The following IQCK variants were observed in gnomAD, a reference collection of about 807,000 sequenced individuals.
IQCK encodes IQ motif containing K, also known as IQ domain-containing protein K.
In IQCK, 29 loss-of-function variants were observed where a neutral mutation model predicts 28.1. The observed-to-expected ratio is 1.03, with a 90% confidence interval of 0.77 to 1.41. IQCK has a LOEUF of 1.41. Ranked by LOEUF, IQCK falls within the 40% of genes most tolerant of loss-of-function variation. The pLI is 0.00. For synonymous variants in IQCK, 113 were observed against 115.1 expected (o/e 0.98, Z 0.12); for missense variants, 359 against 314.7 (o/e 1.14, Z -1.07).
chr16:19,764,051 G>A (rs771553609), exon 6 of IQCK: 3 of 1,614,042 alleles, frequency 1.9e-6, no homozygotes, highest in South Asian at 2.2e-5. Flanking sequence ...TCCAAAGAGG[G>A]CAGGGGAGCC....
chr16:19,854,621 C>T (rs1190607767), intron 9 of IQCK, among the ~76,000 whole-genome samples: 2 of 152,254 alleles, frequency 1.3e-5, no homozygotes, highest in African/African-American at 2.4e-5. Context: ...ACTAGTTGAC[C>T]TGTGTACCTC....
intron 1 of IQCK, among the ~76,000 whole-genome samples, chr16:19,729,923 C>T (rs1977776554): frequency 1.3e-5 from 2 of 151,760 alleles, no homozygotes; most frequent in Non-Finnish European, 2.9e-5. Context: ...GGATTACAGG[C>T]GTGAGCCACC....
intron 4 of IQCK, among the ~76,000 whole-genome samples, chr16:19,737,847 G>A (rs893533721): frequency 6.6e-6 from 1 of 151,294 alleles, no homozygotes; most frequent in African/African-American, 2.4e-5. Context: ...GCTTTTTTTA[G>A]AAAAAAAATC....
intron 4 of IQCK, among the ~76,000 whole-genome samples, chr16:19,738,588 T>C (rs1022690634): frequency 1.3e-5 from 2 of 152,204 alleles, no homozygotes; most frequent in African/African-American, 4.8e-5. Flanking sequence ...TATCACTTCC[T>C]TCCATGTAAA....
exon 10 of IQCK, chr16:19,857,193 C>A: frequency 3.9e-6 from 1 of 255,334 alleles, no homozygotes; most frequent in South Asian, 4.2e-5. Flanking sequence ...TGCTGTTAAC[C>A]AAGATTCTCC....
In IQCK at chr16:19,728,739, A is replaced by G. The variant is rs565042531; in HGVS notation, c.182-1691A>G. Among the ~76,000 whole-genome samples the G allele has an allele frequency of 7.9e-5, 12 of 152,328 alleles. No individual in the cohort carries two copies. In the South Asian group the frequency reaches 2.1e-3, roughly 26 times the overall value. ...AATAAATTTGTGTTCCTTTATGTCA[A>G]TGATTTGTGCTAATTTGTTACACAA... On this transcript the variant is annotated intron_variant, in intron 1 of 7. Transcript: ENST00000564186.
Position 19,804,194 on chromosome 16 carries a change from C to CA in IQCK, c.690+15282dup, listed in dbSNP as rs928724088. Among the ~76,000 whole-genome samples the CA allele has an allele frequency of 4.9e-3, 727 of 147,406 alleles. 1 individual carries two copies. The highest frequency in any genetic ancestry group is 0.015 in the African/African-American group (601 of 40,274). On this transcript the variant is annotated intron_variant, in intron 7 of 7. Transcript: ENST00000564186. ...TGAAACCCTGTCTCTACTAAAAATA[C>CA]AAAAAAAAAATTAGCTGGGCATGGT...
intron 4 of IQCK, chr16:19,761,998 C>A (rs1485457268): frequency 6.5e-6 from 1 of 152,808 alleles, no homozygotes; most frequent in Non-Finnish European, 1.5e-5. Flanking sequence ...CACTTCCAGC[C>A]CCACATCTGT....
chr16:19,846,064 G>A (rs1156294194), intron 9 of IQCK, among the ~76,000 whole-genome samples: 3 of 152,250 alleles, frequency 2.0e-5, no homozygotes, highest in South Asian at 2.1e-4. Flanking sequence ...GCAATAGAGC[G>A]AGACCCCATC....
chr16:19,734,537 G>A (rs1203017672), intron 3 of IQCK, among the ~76,000 whole-genome samples: 1 of 151,830 alleles, frequency 6.6e-6, no homozygotes, highest in East Asian at 1.9e-4. Flanking sequence ...GCTGAGGCAG[G>A]AGAATCGCTT....
At chr16:19,752,376 G>C (rs946337022) in intron 4 of IQCK, among the ~76,000 whole-genome samples, 1 of 152,126 alleles carries the variant, frequency 6.6e-6, no homozygotes, top group Admixed American at 6.5e-5. Context: ...TTGATAAAAG[G>C]CTTATATTGT....
At chr16:19,775,135 G>T (rs2055372425) in intron 6 of IQCK, among the ~76,000 whole-genome samples, 1 of 151,672 alleles carries the variant, frequency 6.6e-6, no homozygotes, top group South Asian at 2.1e-4. Flanking sequence ...GCTGAGGGAG[G>T]AGAATCACTT....
At chr16:19,785,425 A>G (rs2055549278) in intron 6 of IQCK, among the ~76,000 whole-genome samples, 1 of 152,160 alleles carries the variant, frequency 6.6e-6, no homozygotes, top group Admixed American at 6.5e-5. Flanking sequence ...TAGGGTCTGG[A>G]GGCAGGGAAC....
At chr16:19,823,083 C>T (rs1231920760) in intron 7 of IQCK, among the ~76,000 whole-genome samples, 1 of 151,942 alleles carries the variant, frequency 6.6e-6, no homozygotes, top group African/African-American at 2.4e-5. Context: ...GTGTTTGTGT[C>T]CTAAGATGGT....
chr16:19,743,268 T>C (rs894890639), intron 4 of IQCK, among the ~76,000 whole-genome samples: 5 of 152,232 alleles, frequency 3.3e-5, no homozygotes, highest in Admixed American at 3.3e-4. Context: ...ATTCAGTTTG[T>C]TGTAGTTATT....
At chr16:19,768,995 C>T (rs1273274937) in intron 6 of IQCK, among the ~76,000 whole-genome samples, 2 of 152,114 alleles carry the variant, frequency 1.3e-5, no homozygotes, top group Non-Finnish European at 2.9e-5. Context: ...CATCTGAGGG[C>T]CCAACTGGGG....
intron 7 of IQCK, among the ~76,000 whole-genome samples, chr16:19,809,014 C>T (rs767395297): frequency 1.3e-5 from 2 of 152,326 alleles, no homozygotes; most frequent in Non-Finnish European, 2.9e-5. Flanking sequence ...TGCGCCACCA[C>T]GGCCAGCTAA....
chr16:19,786,046 G>C (rs2055557687), intron 6 of IQCK, among the ~76,000 whole-genome samples: 1 of 152,192 alleles, frequency 6.6e-6, no homozygotes, highest in Non-Finnish European at 1.5e-5. Flanking sequence ...AAAGTTCTCA[G>C]TAAATATCAG....
downstream of IQCK, among the ~76,000 whole-genome samples, chr16:19,828,743 G>T (rs980433981): frequency 6.7e-6 from 1 of 149,280 alleles, no homozygotes; most frequent in African/African-American, 2.5e-5. Context: ...CGGGCATGGT[G>T]GCGGGCACCT....
Sources: gnomAD v4.1 joint callset for allele counts (sites outside exome capture counted in the v4.1 genomes callset) on GRCh38, gnomAD v4.1.1 for gene constraint, MANE v1.5 for transcripts, NCBI Gene and HGNC (gene_info 2026-07-23, HGNC 2026-07-21) for gene names.